The following ACOX1 variants were observed in gnomAD, a reference collection of about 807,000 sequenced individuals.
The protein encoded by ACOX1 is acyl-CoA oxidase 1.
A neutral mutation model predicts 75.5 loss-of-function variants in ACOX1; 41 were observed. The ratio of observed to expected loss-of-function variants is 0.54; its 90% CI spans 0.42 to 0.70. The LOEUF (loss-of-function observed/expected upper bound fraction) is 0.70. Ranked by LOEUF, ACOX1 falls within the 30% of genes least tolerant of loss-of-function variation. The pLI, the probability that ACOX1 is intolerant of heterozygous loss-of-function variation, is 0.00. For missense variants in ACOX1, 630 were observed against 837.5 expected (o/e 0.75, Z 3.06); for synonymous variants, 303 against 298.8 (o/e 1.01, Z -0.15).
intron 2 of ACOX1, among the ~76,000 whole-genome samples, chr17:75,967,689 TATACATAC>T (rs1393161025): frequency 1.4e-5 from 2 of 138,848 alleles, no homozygotes; most frequent in Non-Finnish European, 3.1e-5. Flanking sequence ...TACGTATATA[TATACATAC>T]ATATATATAC....
At chr17:75,952,047 CAA>C (rs2065779916) in intron 7 of ACOX1, among the ~76,000 whole-genome samples, 1 of 152,034 alleles carries the variant, frequency 6.6e-6, no homozygotes, top group East Asian at 1.9e-4. Context: ...TTTCTGGCTG[CAA>C]AGTCCATATC....
rs958493817 is a variant in ACOX1, at chr17:75,944,648, C to G, written c.*2100G>C. Reference sequence around the variant, plus strand: ...TTTTTTCTCTCTTAATAGTACAAATCAGTGACGTTTACTCTATCTTTATTC... The same window carrying G: ...TTTTTTCTCTCTTAATAGTACAAATGAGTGACGTTTACTCTATCTTTATTC... On this transcript the variant is annotated 3_prime_UTR_variant, in exon 14 of 14. Coordinates refer to ENST00000293217, the MANE Select transcript of ACOX1 (RefSeq NM_004035.7). 6.6e-6 allele frequency: 1 copy of G among 152,154 alleles called. No individual in the cohort carries two copies. The highest frequency in any genetic ancestry group is 1.5e-5 in the Non-Finnish European group (1 of 68,030). 9.4% of individuals were successfully genotyped at this position (152,154 alleles called of 1,614,324 possible).
chr17:75,975,645 G>A (rs1184568886), intron 2 of ACOX1, among the ~76,000 whole-genome samples: 1 of 152,094 alleles, frequency 6.6e-6, no homozygotes, highest in Non-Finnish European at 1.5e-5. Context: ...ATTAACATCA[G>A]TTAAAAATGT....
intron 7 of ACOX1, among the ~76,000 whole-genome samples, chr17:75,952,517 C>T (rs893153408): frequency 6.6e-6 from 1 of 151,876 alleles, no homozygotes; most frequent in African/African-American, 2.4e-5. Context: ...TGGTCTTGAA[C>T]TCCTGACTTC....
chr17:75,951,547 T>C lies in ACOX1; in HGVS notation c.975A>G (p.Gln325=). Residue 325 remains glutamine, a synonymous_variant, in exon 8 of 14, where the codon CAA becomes CAG. Coordinates refer to ENST00000293217, the MANE Select transcript of ACOX1 (RefSeq NM_004035.7). The stretch of plus-strand genomic sequence containing the variant: ...GTGGAAAGAGTTTATACTGCTGGGT[T>C]TGAAAATCCAAAATCTGTGGTTCTG... The part of the protein sequence containing the change: ...GEPEPQILDF[Q]TQQYKLFPLL... The C allele has an allele frequency of 6.2e-7, 1 of 1,614,128 alleles. No homozygotes were observed. The highest frequency in any genetic ancestry group is 8.5e-7 in the Non-Finnish European group (1 of 1,180,014).
intron 2 of ACOX1, chr17:75,973,225 CT>C (rs2066013286): frequency 4.2e-6 from 1 of 239,110 alleles, no homozygotes. Flanking sequence ...CCACTGCCTG[CT>C]GCCCCCATTA....
chr17:75,975,757 C>T (rs567350873), intron 2 of ACOX1, among the ~76,000 whole-genome samples: 5 of 152,074 alleles, frequency 3.3e-5, no homozygotes, highest in Admixed American at 6.6e-5. Context: ...GCCTGGCCAA[C>T]ATGGTGAAAC....
rs1440504575 is a variant in ACOX1, at chr17:75,941,998, A to G, written c.*4750T>C. 1 of 152,224 alleles carries G rather than the reference A, an allele frequency of 6.6e-6. No individual in the cohort carries two copies. Among genetic ancestry groups the G allele is most frequent in the African/African-American group, 2.4e-5 (1 of 41,458 alleles). 9.4% of individuals were successfully genotyped at this position (152,224 alleles called of 1,614,324 possible). A position where few individuals can be genotyped will look rare whatever the true frequency, so the allele number is the denominator to read the frequency against. Reference sequence around the variant, plus strand: ...CCAATGACCCACTTAAATTTAAGGCAAAAACACCCTTGAATCTAGGAATGT... The same window carrying G: ...CCAATGACCCACTTAAATTTAAGGCGAAAACACCCTTGAATCTAGGAATGT... On this transcript the variant is annotated 3_prime_UTR_variant, in exon 14 of 14. Coordinates refer to ENST00000293217, the MANE Select transcript of ACOX1 (RefSeq NM_004035.7).
At chr17:75,957,379 A>G (rs531180083) in intron 4 of ACOX1, 80 bp downstream of exon 4, 1 of 1,286,404 alleles carries the variant, frequency 7.8e-7, no homozygotes, top group Non-Finnish European at 1.1e-6. Context: ...GGCCGACATT[A>G]TCATAAAAGC....
In ACOX1 at chr17:75,950,249, G is replaced by A. The variant is rs1276258022; in HGVS notation, c.1299-352C>T. Among the ~76,000 whole-genome samples, 2 of 147,810 alleles carry A rather than the reference G, an allele frequency of 1.4e-5. No homozygotes were observed. The highest frequency in any genetic ancestry group is 1.3e-4 in the Admixed American group (2 of 14,944). ...ATTACAGGAGTAAGCCACCACACCTGGCCTTTTTTTTTTTGATGGAGTTTT... is the reference window on the plus strand; with the variant it reads ...ATTACAGGAGTAAGCCACCACACCTAGCCTTTTTTTTTTTGATGGAGTTTT... On this transcript the variant is annotated intron_variant, in intron 9 of 13. Coordinates refer to ENST00000293217, the MANE Select transcript of ACOX1 (RefSeq NM_004035.7). The surrounding 1 kb of genome is among the most constrained non-coding windows in gnomAD (Gnocchi z 4.3).
At chr17:75,952,255 G>C (rs75980848) in intron 7 of ACOX1, among the ~76,000 whole-genome samples, 1 of 152,066 alleles carries the variant, frequency 6.6e-6, no homozygotes, top group African/African-American at 2.4e-5. Context: ...GAATTAGCAA[G>C]GGTCTCATTG....
In ACOX1 at chr17:75,960,369, C is replaced by A. The variant is rs1334592489; in HGVS notation, c.276G>T (p.Val92=). Residue 92 remains valine, a synonymous_variant, in exon 3 of 14, where the codon GTG becomes GTT. Coordinates refer to ENST00000293217, the MANE Select transcript of ACOX1 (RefSeq NM_004035.7). The surrounding 1 kb of genome is among the most constrained non-coding windows in gnomAD (Gnocchi z 4.4). ...CCAGAGGCTCAGGCCGCCCTCGGTG[C>A]ACAAAACTTCGAGGAAATATCAAGG... The part of the protein sequence containing the change: ...PDEIMWFKNF[V]HRGRPEPLDL... 6.2e-7 allele frequency: 1 copy of A among 1,613,670 alleles called. No homozygotes were observed. The highest frequency in any genetic ancestry group is 1.7e-5 in the Admixed American group (1 of 59,956).
At position 75,943,919 on chromosome 17, in the gene ACOX1, C is replaced by A. The variant is rs529831761; in HGVS notation, c.*2829G>T. 6 of 152,242 alleles carry A rather than the reference C, an allele frequency of 3.9e-5. No homozygotes were observed. Among genetic ancestry groups the A allele is most frequent in the African/African-American group, 9.6e-5 (4 of 41,556 alleles). The allele number at this position is 152,242 out of a possible 1,614,324, so 9.4% of individuals were successfully genotyped here. ...TTAAATCAATATTATCTAACACACA[C>A]AAAAAATCTCATTAATTCTCCTCAC... On this transcript the variant is annotated 3_prime_UTR_variant, in exon 14 of 14. Coordinates refer to ENST00000293217, the MANE Select transcript of ACOX1 (RefSeq NM_004035.7).
At chr17:75,958,574 C>G (rs559560016) in intron 3 of ACOX1, among the ~76,000 whole-genome samples, 1 of 151,134 alleles carries the variant, frequency 6.6e-6, no homozygotes, top group African/African-American at 2.4e-5. Flanking sequence ...TTTGGGGGGC[C>G]AAGGCGGGCG....
In ACOX1 at chr17:75,946,258, T is replaced by C. The variant is rs919793128; in HGVS notation, c.*490A>G. On this transcript the variant is annotated 3_prime_UTR_variant, in exon 14 of 14. Transcript: ENST00000293217. The stretch of plus-strand genomic sequence containing the variant: ...CATTCGCATCAAGTTTTCCAATAAG[T>C]TTCCTTCCCCCAGTCCCTTTTCTTC... The C allele has an allele frequency of 5.5e-6, 1 of 180,416 alleles. No homozygotes were observed. The highest frequency in any genetic ancestry group is 2.4e-5 in the African/African-American group (1 of 41,668). The allele number at this position is 180,416 out of a possible 1,614,324, so 11.2% of individuals were successfully genotyped here. A position where few individuals can be genotyped will look rare whatever the true frequency, so the allele number is the denominator to read the frequency against.
At chr17:75,975,931 AAAAGAAAGAAAAGAAAAG>A (rs1567890723) in intron 2 of ACOX1, among the ~76,000 whole-genome samples, 2 of 150,494 alleles carry the variant, frequency 1.3e-5, no homozygotes, top group Admixed American at 6.7e-5. Flanking sequence ...AAAAGAAAGG[AAAAGAAAGAAAAGAAAAG>A]AAAGAAAGAA....
rs2065704820 is a variant in ACOX1, at chr17:75,944,774, C to T, written c.*1974G>A. 1.3e-5 allele frequency: 2 copies of T among 152,060 alleles called. No homozygotes were observed. The highest frequency in any genetic ancestry group is 4.2e-4 in the South Asian group (2 of 4,816). The allele number at this position is 152,060 out of a possible 1,614,324, so 9.4% of individuals were successfully genotyped here. A position where few individuals can be genotyped will look rare whatever the true frequency, so the allele number is the denominator to read the frequency against. On this transcript the variant is annotated 3_prime_UTR_variant, in exon 14 of 14. Coordinates refer to ENST00000293217, the MANE Select transcript of ACOX1 (RefSeq NM_004035.7). ...TTTTTTTTTGAGACGGAGTCTCGCTCAGCCACCCAGGCTGCAGTGTAGTGG... is the reference window on the plus strand; with the variant it reads ...TTTTTTTTTGAGACGGAGTCTCGCTTAGCCACCCAGGCTGCAGTGTAGTGG...
chr17:75,956,731 CTT>C (rs962992538), intron 4 of ACOX1, among the ~76,000 whole-genome samples: 2 of 138,404 alleles, frequency 1.4e-5, no homozygotes. Flanking sequence ...AAATTTTTTT[CTT>C]TTTTTTTTTT....
intron 6 of ACOX1, among the ~76,000 whole-genome samples, chr17:75,954,560 A>G (rs944810898): frequency 7.7e-6 from 1 of 130,556 alleles, no homozygotes; most frequent in Non-Finnish European, 1.6e-5. Context: ...AAAATGCATT[A>G]TTAGCTCCTT....
Sources: gnomAD v4.1 joint callset for allele counts (sites outside exome capture counted in the v4.1 genomes callset) on GRCh38, gnomAD v4.1.1 for gene constraint, Gnocchi (gnomAD v3.1) non-coding constraint, MANE v1.5 for transcripts, NCBI Gene and HGNC (gene_info 2026-07-23, HGNC 2026-07-21) for gene names.